The following GNPTAB variants were observed in gnomAD, a reference collection of about 807,000 sequenced individuals.
GNPTAB encodes the protein N-acetylglucosamine-1-phosphate transferase subunits alpha and beta, also known as N-acetylglucosamine-1-phosphotransferase subunits alpha/beta.
GNPTAB carries 92 observed loss-of-function variants against 136.6 expected under a neutral mutation model. That is an observed-to-expected ratio of 0.67 (90% CI 0.57 to 0.80). The LOEUF is 0.80. Among genes scored for constraint, GNPTAB ranks in the 30% least tolerant of loss-of-function variants. The pLI is 0.00. For missense variants in GNPTAB, 1,343 were observed against 1,501.8 expected, an observed-to-expected ratio of 0.89 and a Z score of 1.75; for synonymous variants, 512 against 535.1, an observed-to-expected ratio of 0.96 and a Z score of 0.60.
intron 16 of GNPTAB, 62 bp from the exon 17 acceptor site, chr12:101,757,719 C>T: frequency 2.4e-6 from 2 of 837,954 alleles, no homozygotes; most frequent in Admixed American, 3.4e-5. Flanking sequence ...CAATTTAGTC[C>T]TAATCTTAGT....
Position 101,765,074 on chromosome 12 carries a change from G to A in GNPTAB, c.1843C>T (p.Leu615Phe). The A allele has an allele frequency of 6.2e-7, 1 of 1,614,050 alleles. No individual in the cohort carries two copies. The highest frequency in any genetic ancestry group is 8.5e-7 in the Non-Finnish European group (1 of 1,179,902). The change falls in exon 13 of 21, where the codon CTC becomes TTC. Residue 615 changes from leucine (L) to phenylalanine (F), a missense_variant. Leu to Phe is a conservative substitution (Grantham distance 22). Coordinates refer to ENST00000299314, the MANE Select transcript of GNPTAB (RefSeq NM_024312.5). Reference sequence around the variant, plus strand: ...TCATCGTTTGTATTTTGAAACGTGAGATTAAAATGTATTGTGGTGGCATTC... The same window carrying A: ...TCATCGTTTGTATTTTGAAACGTGAAATTAAAATGTATTGTGGTGGCATTC... ...GMNATTIHFN[L>F]TFQNTNDEEF...
chr12:101,779,844 G>T (rs544244402), intron 7 of GNPTAB: 3 of 400,800 alleles, frequency 7.5e-6, no homozygotes, highest in Non-Finnish European at 1.4e-5. Flanking sequence ...GAACGCACCC[G>T]ATCTTGTCTG....
intron 10 of GNPTAB, among the ~76,000 whole-genome samples, chr12:101,769,336 T>G (rs1027137568): frequency 8.5e-5 from 13 of 152,138 alleles, no homozygotes; most frequent in African/African-American, 3.1e-4. Context: ...TGAAATTACA[T>G]CTATAGCTTT....
At chr12:101,779,417 G>C (rs1184223989) in intron 7 of GNPTAB, 1 of 152,724 alleles carries the variant, frequency 6.5e-6, no homozygotes, top group Non-Finnish European at 1.5e-5. Flanking sequence ...CATGGACTAT[G>C]TCCTAAGTCA....
At chr12:101,771,711 A>C (rs1327456001) in intron 7 of GNPTAB, among the ~76,000 whole-genome samples, 1 of 152,224 alleles carries the variant, frequency 6.6e-6, no homozygotes, top group African/African-American at 2.4e-5. Context: ...GAGAGCTGCA[A>C]CCACTCAATG....
intron 15 of GNPTAB, among the ~76,000 whole-genome samples, chr12:101,760,833 G>A (rs1429411801): frequency 2.7e-5 from 4 of 147,922 alleles, no homozygotes; most frequent in Non-Finnish European, 4.5e-5. Context: ...AGGCTGGAGT[G>A]CAGTGGCGCA....
intron 8 of GNPTAB, 59 bp downstream of exon 8, chr12:101,770,936 AC>A: frequency 6.7e-7 from 1 of 1,484,098 alleles, no homozygotes; most frequent in Non-Finnish European, 9.4e-7. Context: ...ATAGTAACTT[AC>A]ACATTTTTAA....
intron 8 of GNPTAB, 64 bp from the exon 9 acceptor site, chr12:101,770,649 G>T: frequency 8.6e-7 from 1 of 1,157,048 alleles, no homozygotes; most frequent in Non-Finnish European, 1.3e-6. Context: ...CCTCCTCTTT[G>T]TCCTTTCCTT....
intron 1 of GNPTAB, among the ~76,000 whole-genome samples, chr12:101,815,830 G>A (rs546851712): frequency 6.6e-6 from 1 of 152,230 alleles, no homozygotes; most frequent in South Asian, 2.1e-4. Flanking sequence ...AAAACGGCAT[G>A]GTGCTGGTAT....
intron 3 of GNPTAB, 37 bp downstream of exon 3, chr12:101,789,901 A>T: frequency 6.2e-7 from 1 of 1,602,120 alleles, no homozygotes; most frequent in Non-Finnish European, 8.6e-7. Flanking sequence ...ACATCGCCAC[A>T]TTACCCATCT....
At chr12:101,802,813 T>C (rs10745924) in intron 1 of GNPTAB, among the ~76,000 whole-genome samples, 97,061 of 151,964 alleles carry the variant, frequency 0.64, 32,376 homozygotes, top group East Asian at 0.92. Context: ...AAACTGTGCC[T>C]ACCTCTGATC....
At chr12:101,767,321 A>G (rs1172471215) in intron 11 of GNPTAB, among the ~76,000 whole-genome samples, 1 of 152,216 alleles carries the variant, frequency 6.6e-6, no homozygotes, top group East Asian at 1.9e-4. Flanking sequence ...CAACAAGTCA[A>G]AATATAACTA....
rs150487409 is a variant in GNPTAB at position 101,759,691 on chromosome 12, T to C, written c.3249+339A>G. On this transcript the variant is annotated intron_variant, in intron 16 of 20. Transcript: ENST00000299314. ...GCAATTCAGCTTTGATGAACGATGA[T>C]ATTCCATGTGATGAATATTTCCTTG... 4.8e-3 allele frequency among the ~76,000 whole-genome samples: 731 copies of C among 152,346 alleles called. 2 individuals carry two copies. Among genetic ancestry groups the C allele is most frequent in the Middle Eastern group, 0.037 (11 of 294 alleles).
In GNPTAB at chr12:101,830,509, G is replaced by A. The variant is rs142261393; in HGVS notation, c.117+50C>T. 75 of 961,562 alleles carry A rather than the reference G, an allele frequency of 7.8e-5. No homozygotes were observed. In the East Asian group the frequency reaches 1.8e-3, roughly 23 times the overall value. The allele number at this position is 961,562 out of a possible 1,614,324, so 59.6% of individuals were successfully genotyped here. Reference sequence around the variant, plus strand: ...TCGGGGCATCGCGGGGCACGGCGAGGGCAGTGCAGGGTCGAGGCGCCCGGT... The same window carrying A: ...TCGGGGCATCGCGGGGCACGGCGAGAGCAGTGCAGGGTCGAGGCGCCCGGT... On this transcript the variant is annotated intron_variant, in intron 1 of 20. Transcript: ENST00000299314.
intron 3 of GNPTAB, among the ~76,000 whole-genome samples, chr12:101,789,144 T>C (rs1392786022): frequency 6.6e-6 from 1 of 152,196 alleles, no homozygotes; most frequent in Non-Finnish European, 1.5e-5. Context: ...AATAAACACT[T>C]ATTTCAAGAA....
In GNPTAB at chr12:101,753,393, T is replaced by C; in HGVS notation, c.3581A>G (p.His1194Arg). The C allele has an allele frequency of 4.3e-6, 7 of 1,614,018 alleles. No homozygotes were observed. Among genetic ancestry groups the C allele is most frequent in the Non-Finnish European group, 5.9e-6 (7 of 1,179,898 alleles). The change falls in exon 19 of 21, where the codon CAT becomes CGT. Residue 1194 changes from histidine to arginine, a missense_variant. His to Arg is a conservative substitution (Grantham distance 29). Transcript: ENST00000299314. ...LPREYRNRFL[H>R]MHELQEWRAY... ...TTACCATTCCTGCAGCTCATGCATA[T>C]GAAGGAAACGGTTTCGATACTCTCT... is the stretch of plus-strand genomic sequence containing the variant.
chr12:101,785,061 A>C (rs1272776525), intron 5 of GNPTAB, among the ~76,000 whole-genome samples: 2 of 152,220 alleles, frequency 1.3e-5, no homozygotes, highest in Non-Finnish European at 1.5e-5. Context: ...GTTGTCTTAT[A>C]AATAACAGAA....
intron 20 of GNPTAB, 24 bp downstream of exon 20, chr12:101,749,077 C>A: frequency 8.1e-7 from 1 of 1,239,976 alleles, no homozygotes; most frequent in South Asian, 1.2e-5. Flanking sequence ...CATTTAATAC[C>A]CACATAAAAT....
chr12:101,826,724 C>G (rs1013452775), intron 1 of GNPTAB, among the ~76,000 whole-genome samples: 4 of 152,036 alleles, frequency 2.6e-5, no homozygotes, highest in Middle Eastern at 3.4e-3. Flanking sequence ...TAAATTTTAA[C>G]TCAAAAACAC....
Sources: allele counts gnomAD v4.1 joint callset (sites outside exome capture counted in the v4.1 genomes callset), GRCh38; gene constraint gnomAD v4.1.1; transcripts MANE v1.5; gene names NCBI Gene and HGNC (gene_info 2026-07-23, HGNC 2026-07-21).